Variants in BRAF observed in about 807,000 individuals in gnomAD.
BRAF encodes B-Raf proto-oncogene, serine/threonine kinase.
A neutral mutation model predicts 104.6 loss-of-function variants in BRAF; 16 were observed. The ratio of observed to expected loss-of-function variants is 0.15; its 90% CI spans 0.10 to 0.23. The LOEUF (loss-of-function observed/expected upper bound fraction) is 0.23. BRAF is among the 10% of genes least tolerant of loss of function. The pLI is 1.00. For synonymous variants in BRAF, 310 were observed against 341.6 expected, an observed-to-expected ratio of 0.91 and a Z score of 1.02; for missense variants, 541 against 937.3, an observed-to-expected ratio of 0.58 and a Z score of 5.52.
chr7:140,793,701 C>A (rs768352999), intron 8 of BRAF, among the ~76,000 whole-genome samples: 1 of 152,166 alleles, frequency 6.6e-6, no homozygotes, highest in Non-Finnish European at 1.5e-5. Context: ...ACATAGCTCA[C>A]TGCAGCCTTG....
At chr7:140,921,660 G>A (rs943189727) in intron 1 of BRAF, among the ~76,000 whole-genome samples, 21 of 151,934 alleles carry the variant, frequency 1.4e-4, no homozygotes, top group Admixed American at 1.0e-3. Context: ...AATGTCTATA[G>A]TAATAATATC....
At chr7:140,814,392 T>C (rs1212320794) in intron 3 of BRAF, among the ~76,000 whole-genome samples, 3 of 152,292 alleles carry the variant, frequency 2.0e-5, no homozygotes, top group East Asian at 3.9e-4. Flanking sequence ...TGGCCAGACA[T>C]GGTGGCTCAT....
intron 1 of BRAF, among the ~76,000 whole-genome samples, chr7:140,905,977 A>G (rs1222745269): frequency 6.9e-6 from 1 of 144,784 alleles, no homozygotes; most frequent in Admixed American, 6.9e-5. Flanking sequence ...AGTCCCAGCT[A>G]CTTGGGAGGC....
At position 140,808,209 on chromosome 7, in the gene BRAF, A is replaced by C; in HGVS notation, c.609-147T>G. On this transcript the variant is annotated intron_variant, in intron 4 of 19. Coordinates refer to ENST00000644969, the MANE Select transcript of BRAF (RefSeq NM_001374258.1). ...CTAATATTCCATCGTTAGAAATTTA[A>C]ATGGCAATAAATTAATTTTAAGTTT... 4.3e-6 allele frequency: 3 copies of C among 696,046 alleles called. No homozygotes were observed. The South Asian group carries it at 4.6e-5, about 11-fold the overall frequency. The allele number at this position is 696,046 out of a possible 1,614,324, so 43.1% of individuals were successfully genotyped here. A position where few individuals can be genotyped will look rare whatever the true frequency, so the allele number is the denominator to read the frequency against.
chr7:140,813,126 G>T (rs1278855632), intron 3 of BRAF, among the ~76,000 whole-genome samples: 1 of 152,080 alleles, frequency 6.6e-6, no homozygotes, highest in Non-Finnish European at 1.5e-5. Context: ...AGTACAAATG[G>T]TGAAAAATAT....
At chr7:140,747,374 TG>T (rs1270000529) in intron 17 of BRAF, 1 of 1,276,256 alleles carries the variant, frequency 7.8e-7, no homozygotes, top group Admixed American at 2.4e-5. Flanking sequence ...ACCCTTCTGT[TG>T]GTCACACATT....
At chr7:140,854,574 T>TG (rs1315362179) in intron 1 of BRAF, among the ~76,000 whole-genome samples, 1 of 151,474 alleles carries the variant, frequency 6.6e-6, no homozygotes, top group Non-Finnish European at 1.5e-5. Context: ...AGAGAGAAAG[T>TG]GGGGGAAAAT....
chr7:140,729,490 C>T (rs1205608225), intron 19 of BRAF, among the ~76,000 whole-genome samples: 1 of 149,558 alleles, frequency 6.7e-6, no homozygotes, highest in East Asian at 2.0e-4. Context: ...ACTAAAAATA[C>T]AAAAATTAGG....
At chr7:140,911,355 C>A (rs1337661429) in intron 1 of BRAF, among the ~76,000 whole-genome samples, 1 of 152,130 alleles carries the variant, frequency 6.6e-6, no homozygotes, top group Admixed American at 6.5e-5. Context: ...TACTGTCTAC[C>A]ATATTAAGAC....
chr7:140,916,881 C>T (rs1817688483), intron 1 of BRAF, among the ~76,000 whole-genome samples: 1 of 152,102 alleles, frequency 6.6e-6, no homozygotes, highest in African/African-American at 2.4e-5. Flanking sequence ...ACTGGACCTA[C>T]CTGATTTTAA....
intron 2 of BRAF, among the ~76,000 whole-genome samples, chr7:140,845,422 A>G (rs1808439338): frequency 6.6e-6 from 1 of 152,202 alleles, no homozygotes; most frequent in Non-Finnish European, 1.5e-5. Flanking sequence ...AATGGGAAAA[A>G]TATTTGCAAA....
At chr7:140,781,390 C>G (rs1268241979) in intron 12 of BRAF, 186 bp downstream of exon 11, 1 of 626,870 alleles carries the variant, frequency 1.6e-6, no homozygotes, top group Non-Finnish European at 2.8e-6. Context: ...GGAGTCCCGA[C>G]TGCTGTGAAC....
rs776821089 is a variant in BRAF, at chr7:140,909,555, G to A, written c.138+15011C>T. ...ATATACAACAAGCACTGTGACTGTG[G>A]CAGTTACAACTGCAGACTGAAGAGT... On this transcript the variant is annotated intron_variant, in intron 1 of 19. Transcript: ENST00000644969. Among the ~76,000 whole-genome samples the A allele has an allele frequency of 5.7e-4, 87 of 152,076 alleles. 1 individual carries two copies. Among genetic ancestry groups the A allele is most frequent in the Admixed American group, 3.3e-4 (5 of 15,258 alleles).
At chr7:140,922,911 T>A (rs538641662) in intron 1 of BRAF, among the ~76,000 whole-genome samples, 1 of 151,974 alleles carries the variant, frequency 6.6e-6, no homozygotes, top group East Asian at 1.9e-4. Context: ...CAGAATAAAC[T>A]AGGAAATTGA....
intron 19 of BRAF, among the ~76,000 whole-genome samples, chr7:140,727,484 G>A (rs954416183): frequency 3.3e-5 from 5 of 151,524 alleles, no homozygotes; most frequent in South Asian, 4.2e-4. Context: ...GCACCCGGCC[G>A]CCATTATTTT....
At chr7:140,886,989 A>G (rs953778728) in intron 1 of BRAF, among the ~76,000 whole-genome samples, 2 of 152,216 alleles carry the variant, frequency 1.3e-5, no homozygotes, top group Non-Finnish European at 2.9e-5. Flanking sequence ...CATTAAAAGC[A>G]TGCTACAATT....
downstream of BRAF, among the ~76,000 whole-genome samples, chr7:140,718,782 A>G (rs1235585782): frequency 6.6e-6 from 1 of 152,204 alleles, no homozygotes; most frequent in East Asian, 1.9e-4. Context: ...TTCAGACTTC[A>G]GTGAATTTTA....
At chr7:140,917,130 G>A (rs1007108760) in intron 1 of BRAF, among the ~76,000 whole-genome samples, 14 of 152,128 alleles carry the variant, frequency 9.2e-5, no homozygotes, top group Admixed American at 6.5e-4. Flanking sequence ...ACGCGATCTC[G>A]GCTCACTACA....
intron 14 of BRAF, among the ~76,000 whole-genome samples, chr7:140,772,770 TAAA>T (rs2129015695): frequency 6.6e-6 from 1 of 152,342 alleles, no homozygotes; most frequent in East Asian, 1.9e-4. Context: ...ACTTGGTTTG[TAAA>T]AAATTTATCT....
Sources: allele counts gnomAD v4.1 joint callset (sites outside exome capture counted in the v4.1 genomes callset), GRCh38; gene constraint gnomAD v4.1.1; transcripts MANE v1.5; gene names NCBI Gene and HGNC (gene_info 2026-07-23, HGNC 2026-07-21).